LARP4: variants seen among roughly 807,000 people sequenced by gnomAD.
LARP4 encodes la-related protein 4.
A neutral mutation model predicts 92.9 loss-of-function variants in LARP4; 29 were observed. That is an observed-to-expected ratio of 0.31 (90% confidence interval 0.23 to 0.43). LARP4 has a LOEUF of 0.43. LARP4 is among the 20% of genes least tolerant of loss of function. The pLI, the probability that LARP4 is intolerant of heterozygous loss-of-function variation, is 1.00. For synonymous variants in LARP4, 279 were observed against 284.1 expected (o/e 0.98, Z 0.18); for missense variants, 732 against 860.0 (o/e 0.85, Z 1.86).
At chr12:50,410,728 A>G (rs1945730402) in intron 1 of LARP4, among the ~76,000 whole-genome samples, 1 of 152,058 alleles carries the variant, frequency 6.6e-6, no homozygotes, top group Admixed American at 6.6e-5. Flanking sequence ...TTTAATGAAA[A>G]TATTCATGAA....
At chr12:50,463,643 TGA>T (rs1955762464) in intron 12 of LARP4, among the ~76,000 whole-genome samples, 1 of 152,052 alleles carries the variant, frequency 6.6e-6, no homozygotes, top group East Asian at 1.9e-4. Context: ...TAGGGTACAC[TGA>T]TGCAAGGGTT....
At chr12:50,445,711 A>G (rs927076566) in intron 8 of LARP4, among the ~76,000 whole-genome samples, 2 of 152,064 alleles carry the variant, frequency 1.3e-5, no homozygotes, top group Non-Finnish European at 1.5e-5. Flanking sequence ...GCTGTCCCCA[A>G]TGTGATAGGA....
chr12:50,449,419 C>T (rs1257480165), intron 8 of LARP4, among the ~76,000 whole-genome samples: 1 of 152,042 alleles, frequency 6.6e-6, no homozygotes, highest in Non-Finnish European at 1.5e-5. Flanking sequence ...TGTCCTTTCT[C>T]TCCTGTTTTT....
chr12:50,433,131 TCTG>T (rs1348838168), intron 4 of LARP4, among the ~76,000 whole-genome samples: 2 of 152,122 alleles, frequency 1.3e-5, no homozygotes, highest in African/African-American at 4.8e-5. Context: ...TGCCTGGAGA[TCTG>T]CTGGTTTCTC....
intron 8 of LARP4, among the ~76,000 whole-genome samples, chr12:50,442,774 C>A (rs1014090894): frequency 6.6e-6 from 1 of 152,180 alleles, no homozygotes; most frequent in South Asian, 2.1e-4. Flanking sequence ...ACGAGGGTAA[C>A]CTACCTAGTT....
At chr12:50,466,920 G>A in intron 12 of LARP4, 39 bp from the exon 13 acceptor site, 1 of 1,579,550 alleles carries the variant, frequency 6.3e-7, no homozygotes. Flanking sequence ...TAGGGAATGA[G>A]ATAGCCATGT....
intron 10 of LARP4, among the ~76,000 whole-genome samples, chr12:50,460,602 G>A (rs1955196002): frequency 6.6e-6 from 1 of 151,976 alleles, no homozygotes; most frequent in African/African-American, 2.4e-5. Flanking sequence ...GAGATTACAG[G>A]CGTGAGCCAC....
chr12:50,475,827 G>T lies in LARP4; in HGVS notation c.2138G>T (p.Gly713Val), dbSNP rs371799393. 5 of 1,613,886 alleles carry T rather than the reference G, an allele frequency of 3.1e-6. No homozygotes were observed. The African/African-American group carries it at 4.0e-5, about 13-fold the overall frequency. Residue 713 changes from glycine (G) to valine (V), a missense_variant, in exon 16 of 16, where the codon GGC (glycine) becomes GTC (valine). Coordinates refer to ENST00000398473, the MANE Select transcript of LARP4 (RefSeq NM_052879.5). ...CCTCAGGGAGTGACTCGACGTAATG[G>T]CAAAGAGCAATATGTGCCACCCAGA... is the stretch of plus-strand genomic sequence containing the variant. ...AIPQGVTRRN[G>V]KEQYVPPRSP...
rs1943765049 is a variant in LARP4 at position 50,401,250 on chromosome 12, G to A, written c.18+222G>A. The stretch of plus-strand genomic sequence containing the variant: ...AGGCCCGTAGTGGAGAAGAATTGAA[G>A]GAGAAAAACGGAGGGCTGTTCTGGT... On this transcript the variant is annotated intron_variant, in intron 1 of 15. Coordinates refer to ENST00000398473, the MANE Select transcript of LARP4 (RefSeq NM_052879.5). The A allele has an allele frequency of 1.8e-5, 11 of 605,782 alleles. No homozygotes were observed. In the East Asian group the frequency reaches 2.8e-4, roughly 16 times the overall value. The allele number at this position is 605,782 out of a possible 1,614,324, so 37.5% of individuals were successfully genotyped here. A position where few individuals can be genotyped will look rare whatever the true frequency, so the allele number is the denominator to read the frequency against.
At chr12:50,462,299 G>A (rs966569243) in intron 11 of LARP4, among the ~76,000 whole-genome samples, 2 of 152,096 alleles carry the variant, frequency 1.3e-5, no homozygotes, top group Admixed American at 6.6e-5. Flanking sequence ...GGCCAACATG[G>A]TGAAACCCTG....
In LARP4 at chr12:50,473,988, T is replaced by G. The variant is rs199592625; in HGVS notation, c.1668-11T>G. ...TATTCTGAGTCTAATTGCAAGCTCT[T>G]TTTTCCTTAGCACAACTCAGCAAGA... On this transcript the variant is annotated splice_polypyrimidine_tract_variant and intron_variant, in intron 14 of 15. Coordinates refer to ENST00000398473, the MANE Select transcript of LARP4 (RefSeq NM_052879.5). The G allele has an allele frequency of 8.7e-6, 14 of 1,608,402 alleles. No homozygotes were observed. Among genetic ancestry groups the G allele is most frequent in the Non-Finnish European group, 4.2e-6 (5 of 1,178,748 alleles).
At chr12:50,452,153 C>T (rs968870354) in intron 8 of LARP4, among the ~76,000 whole-genome samples, 4 of 152,288 alleles carry the variant, frequency 2.6e-5, no homozygotes, top group East Asian at 1.9e-4. Context: ...TGCAGATACC[C>T]TTCAGCATAC....
chr12:50,474,233 CG>C, intron 15 of LARP4, 66 bp downstream of exon 15: 1 of 1,149,718 alleles, frequency 8.7e-7, no homozygotes, highest in Non-Finnish European at 1.2e-6. Flanking sequence ...TTTTTTTTCA[CG>C]TAACACTTTG....
chr12:50,424,890 T>TA (rs1948471794), intron 1 of LARP4, among the ~76,000 whole-genome samples: 1 of 151,852 alleles, frequency 6.6e-6, no homozygotes, highest in South Asian at 2.1e-4. Context: ...CTCACTCCTG[T>TA]AATCCCAGCA....
chr12:50,456,018 C>T (rs1954167275), intron 10 of LARP4, among the ~76,000 whole-genome samples: 1 of 152,104 alleles, frequency 6.6e-6, no homozygotes. Context: ...TACCACTGCA[C>T]TCCAGCCTGG....
chr12:50,436,227 T>G (rs999208113), intron 5 of LARP4, among the ~76,000 whole-genome samples: 1 of 151,200 alleles, frequency 6.6e-6, no homozygotes, highest in African/African-American at 2.4e-5. Context: ...GGGGTGTGTG[T>G]GTGTGTATAT....
In LARP4 at chr12:50,459,631, G is replaced by A. The variant is rs190201200; in HGVS notation, c.1122-1504G>A. ...ACCAGGTCAGGAGATCGAGACCATC[G>A]TGGCCAACATGGTGAAACCCCATCT... On this transcript the variant is annotated intron_variant, in intron 10 of 15. Coordinates refer to ENST00000398473, the MANE Select transcript of LARP4 (RefSeq NM_052879.5). 1.9e-4 allele frequency among the ~76,000 whole-genome samples: 29 copies of A among 151,908 alleles called. 1 individual carries two copies. The East Asian group carries it at 5.3e-3, about 28-fold the overall frequency.
chr12:50,400,891 G>A lies in LARP4; in HGVS notation c.-120G>A. 2.2e-6 allele frequency: 3 copies of A among 1,365,302 alleles called. No homozygotes were observed. The highest frequency in any genetic ancestry group is 2.1e-6 in the Non-Finnish European group (2 of 953,432). The allele number at this position is 1,365,302 out of a possible 1,614,324, so 84.6% of individuals were successfully genotyped here. A position where few individuals can be genotyped will look rare whatever the true frequency, so the allele number is the denominator to read the frequency against. ...CGGCTGACGGCAGGGGAGGAGCCGG[G>A]TCCACTGCCGGGTGGAGGGGCAAGG... On this transcript the variant is annotated 5_prime_UTR_variant, in exon 1 of 16. Transcript: ENST00000398473.
chr12:50,437,581 A>G (rs1021785859), intron 5 of LARP4, among the ~76,000 whole-genome samples, 154 bp from the exon 6 acceptor site: 5 of 152,184 alleles, frequency 3.3e-5, no homozygotes, highest in Admixed American at 6.6e-5. Flanking sequence ...TGTCATACCT[A>G]TAATCTTTGA....
Sources: allele counts gnomAD v4.1 joint callset (sites outside exome capture counted in the v4.1 genomes callset), GRCh38; gene constraint gnomAD v4.1.1; transcripts MANE v1.5; gene names NCBI Gene and HGNC (gene_info 2026-07-23, HGNC 2026-07-21).